Variants in ARHGAP20 observed in about 807,000 individuals in gnomAD.
ARHGAP20 encodes rho GTPase-activating protein 20.
A neutral mutation model predicts 73.7 loss-of-function variants in ARHGAP20; 34 were observed. The observed-to-expected ratio is 0.46, with a 90% confidence interval of 0.35 to 0.61. ARHGAP20 has a LOEUF of 0.61. Among genes scored for constraint, ARHGAP20 ranks in the 20% least tolerant of loss-of-function variants. ARHGAP20 has a pLI of 0.00. For missense variants in ARHGAP20, 1,314 were observed against 1,420.9 expected (o/e 0.92, Z 1.21); for synonymous variants, 523 against 518.2 (o/e 1.01, Z -0.13).
intron 2 of ARHGAP20, among the ~76,000 whole-genome samples, chr11:110,669,725 A>T (rs77472201): frequency 1.3e-5 from 2 of 152,300 alleles, no homozygotes; most frequent in East Asian, 3.9e-4. Flanking sequence ...ATATAAAATG[A>T]TACAACCACA....
In ARHGAP20 at chr11:110,579,655, T is replaced by C. The variant is rs1591288195; in HGVS notation, c.3291A>G (p.Ala1097=). 3 of 1,614,240 alleles carry C rather than the reference T, an allele frequency of 1.9e-6. No homozygotes were observed. The highest frequency in any genetic ancestry group is 2.5e-6 in the Non-Finnish European group (3 of 1,180,028). The change falls in exon 15 of 15, where the codon GCA becomes GCG. Residue 1097 remains alanine (A), a synonymous_variant. Coordinates refer to ENST00000683387, the MANE Select transcript of ARHGAP20 (RefSeq NM_001384657.1). The part of the protein sequence containing the change: ...QEEQKDLPLR[A]AEGLSPVQSA... ...ACTGCACAGGGGACAGTCCTTCAGC[T>C]GCCCTTAAGGGCAAGTCTTTTTGTT...
chr11:110,664,466 C>T (rs772223689), intron 2 of ARHGAP20, among the ~76,000 whole-genome samples: 8 of 152,148 alleles, frequency 5.3e-5, no homozygotes, highest in East Asian at 1.9e-4. Flanking sequence ...CAATGGCTCA[C>T]GCCTCTAATC....
At chr11:110,641,566 T>A (rs543751950) in intron 2 of ARHGAP20, among the ~76,000 whole-genome samples, 25 of 152,180 alleles carry the variant, frequency 1.6e-4, no homozygotes, top group African/African-American at 5.8e-4. Flanking sequence ...AAGAGCCTCG[T>A]GAAAATGGCA....
At position 110,712,295 on chromosome 11, in the gene ARHGAP20, C is replaced by T. The variant is rs1173756827; in HGVS notation, c.-64G>A. On this transcript the variant is annotated 5_prime_UTR_variant, in exon 1 of 15. Transcript: ENST00000683387. ...CTACACGATCATGTCCGCGGGCTGC[C>T]GGCCGGAGGGGCGAGGACGCGCGGG... is the stretch of plus-strand genomic sequence containing the variant. The T allele has an allele frequency of 4.6e-5, 57 of 1,233,236 alleles. No individual in the cohort carries two copies. Among genetic ancestry groups the T allele is most frequent in the Non-Finnish European group, 5.8e-5 (56 of 970,490 alleles). The allele number at this position is 1,233,236 out of a possible 1,614,324, so 76.4% of individuals were successfully genotyped here. A position where few individuals can be genotyped will look rare whatever the true frequency, so the allele number is the denominator to read the frequency against.
intron 12 of ARHGAP20, among the ~76,000 whole-genome samples, chr11:110,585,198 T>C (rs575941811): frequency 6.6e-6 from 1 of 152,064 alleles, no homozygotes; most frequent in East Asian, 1.9e-4. Flanking sequence ...TTGTAACATC[T>C]TACTAATCTT....
At chr11:110,704,491 A>G (rs1218750929) in intron 1 of ARHGAP20, among the ~76,000 whole-genome samples, 1 of 152,176 alleles carries the variant, frequency 6.6e-6, no homozygotes, top group Non-Finnish European at 1.5e-5. Context: ...TGATGAGGTT[A>G]TTTCTGCTGT....
intron 2 of ARHGAP20, among the ~76,000 whole-genome samples, chr11:110,680,753 T>C (rs531443085): frequency 6.6e-6 from 1 of 152,292 alleles, no homozygotes; most frequent in African/African-American, 2.4e-5. Context: ...CCCAGAATCA[T>C]ACCACAAGAA....
chr11:110,606,754 A>T lies in ARHGAP20; in HGVS notation c.776-5T>A. ...TTCCATATGGATATTCATGCCCTAC[A>T]CAGAGACAAATCTAAATGTAGACTT... is the stretch of plus-strand genomic sequence containing the variant. On this transcript the variant is annotated splice_polypyrimidine_tract_variant and splice_region_variant and intron_variant, in intron 8 of 14. Transcript: ENST00000683387. The T allele has an allele frequency of 1.3e-6, 2 of 1,521,188 alleles. No homozygotes were observed. The highest frequency in any genetic ancestry group is 1.3e-5 in the South Asian group (1 of 77,152). The allele number at this position is 1,521,188 out of a possible 1,614,324, so 94.2% of individuals were successfully genotyped here.
chr11:110,702,437 T>A (rs1169638612), intron 1 of ARHGAP20, among the ~76,000 whole-genome samples: 1 of 152,120 alleles, frequency 6.6e-6, no homozygotes, highest in Non-Finnish European at 1.5e-5. Flanking sequence ...TCATACTGAA[T>A]GGGCAAAAAT....
intron 9 of ARHGAP20, among the ~76,000 whole-genome samples, chr11:110,594,681 T>C (rs1947910033): frequency 6.6e-6 from 1 of 152,252 alleles, no homozygotes; most frequent in African/African-American, 2.4e-5. Context: ...CAGGACCAGA[T>C]GGATTCACAG....
chr11:110,671,973 A>T (rs759156092), intron 2 of ARHGAP20, among the ~76,000 whole-genome samples: 7 of 152,166 alleles, frequency 4.6e-5, no homozygotes, highest in Non-Finnish European at 7.4e-5. Context: ...TACTGCAACA[A>T]CTGGATATCC....
chr11:110,586,337 G>A lies in ARHGAP20; in HGVS notation c.1306-12C>T. 2 of 1,450,442 alleles carry A rather than the reference G, an allele frequency of 1.4e-6. No homozygotes were observed. The highest frequency in any genetic ancestry group is 1.3e-5 in the South Asian group (1 of 78,310). The allele number at this position is 1,450,442 out of a possible 1,614,324, so 89.8% of individuals were successfully genotyped here. A position where few individuals can be genotyped will look rare whatever the true frequency, so the allele number is the denominator to read the frequency against. On this transcript the variant is annotated splice_polypyrimidine_tract_variant and intron_variant, in intron 11 of 14. Coordinates refer to ENST00000683387, the MANE Select transcript of ARHGAP20 (RefSeq NM_001384657.1). ...TTTCGCAGAAAATCCTTAAATAGAT[G>A]GAAAAACAAATATTTCAAATAATTA...
In ARHGAP20 at chr11:110,637,955, A is replaced by G. The variant is rs532740910; in HGVS notation, c.189-7163T>C. Among the ~76,000 whole-genome samples the G allele has an allele frequency of 4.6e-5, 7 of 152,222 alleles. No homozygotes were observed. In the South Asian group the frequency reaches 1.5e-3, roughly 32 times the overall value. ...CAGGAGTTATAAAGGCTTGAGAAAG[A>G]TTAGCAGCAGATGAGAAAGGGGTAC... On this transcript the variant is annotated intron_variant, in intron 2 of 14. Coordinates refer to ENST00000683387, the MANE Select transcript of ARHGAP20 (RefSeq NM_001384657.1).
chr11:110,631,632 C>G (rs1246605724), intron 2 of ARHGAP20, among the ~76,000 whole-genome samples: 1 of 152,112 alleles, frequency 6.6e-6, no homozygotes, highest in Non-Finnish European at 1.5e-5. Context: ...GCTCTCTGAC[C>G]TAGCCATTCC....
At chr11:110,634,094 G>A (rs1165843201) in intron 2 of ARHGAP20, among the ~76,000 whole-genome samples, 3 of 152,176 alleles carry the variant, frequency 2.0e-5, no homozygotes, top group Non-Finnish European at 2.9e-5. Context: ...GGTCAGGAGT[G>A]CTGAAACTGA....
At chr11:110,682,101 T>C (rs1950048030) in intron 2 of ARHGAP20, among the ~76,000 whole-genome samples, 1 of 152,132 alleles carries the variant, frequency 6.6e-6, no homozygotes, top group African/African-American at 2.4e-5. Flanking sequence ...GACCTAGAAA[T>C]ATAATTGTCT....
chr11:110,591,902 G>A lies in ARHGAP20; in HGVS notation c.1143+75C>T. The A allele has an allele frequency of 4.1e-6, 6 of 1,461,734 alleles. No individual in the cohort carries two copies. In the South Asian group the frequency reaches 5.3e-5, roughly 13 times the overall value. 90.5% of individuals were successfully genotyped at this position (1,461,734 alleles called of 1,614,324 possible). A position where few individuals can be genotyped will look rare whatever the true frequency, so the allele number is the denominator to read the frequency against. ...GGTGTCTATAATTTTTCCATTTGGG[G>A]ACAGATTTACCTCGCAGAGCTCTCC... is the stretch of plus-strand genomic sequence containing the variant. On this transcript the variant is annotated intron_variant, in intron 10 of 14. Transcript: ENST00000683387.
chr11:110,583,492 C>G, intron 13 of ARHGAP20, 56 bp downstream of exon 13: 1 of 1,398,478 alleles, frequency 7.2e-7, no homozygotes, highest in Non-Finnish European at 9.6e-7. Context: ...CCCCAAATTT[C>G]AGTTTCAAAA....
In ARHGAP20 at chr11:110,586,249, C is replaced by T. The variant is rs1947662467; in HGVS notation, c.1382G>A (p.Gly461Glu). Residue 461 changes from glycine (G) to glutamate (E), a missense_variant, in exon 12 of 15, where the codon GGA becomes GAA. Physicochemically the swap from Gly to Glu is moderately conservative, Grantham distance 98 (BLOSUM62 -2). Around this residue, in one of 3 missense-constraint regions of ARHGAP20, gnomAD observed 230 missense variants for 317.6 expected, o/e 0.72. Transcript: ENST00000683387. ...AGTATTTATTTTCTCTTCATCATTT[C>T]CTTGATCCATTACAGAGACCCAGTG... ...YDHWVSVMDQ[G>E]NDEEKINTVQ... 6.4e-7 allele frequency: 1 copy of T among 1,561,488 alleles called. No homozygotes were observed. The highest frequency in any genetic ancestry group is 2.3e-5 in the East Asian group (1 of 43,044).
Sources: allele counts gnomAD v4.1 joint callset (sites outside exome capture counted in the v4.1 genomes callset), GRCh38; gene constraint gnomAD v4.1.1; regional missense constraint gnomAD v4.1.1; transcripts MANE v1.5; gene names NCBI Gene and HGNC (gene_info 2026-07-23, HGNC 2026-07-21).